Variants in COL5A2 observed in about 807,000 individuals in gnomAD.
COL5A2 encodes the protein collagen type V alpha 2 chain.
COL5A2 carries 23 observed loss-of-function variants against 208.2 expected under a neutral mutation model. The ratio of observed to expected loss-of-function variants is 0.11; its 90% CI spans 0.08 to 0.16. The LOEUF (loss-of-function observed/expected upper bound fraction) is 0.16, where lower values mean the gene tolerates loss of function less well. COL5A2 is among the 10% of genes least tolerant of loss of function. The pLI, the probability that COL5A2 is intolerant of heterozygous loss-of-function variation, is 1.00. For synonymous variants in COL5A2, 625 were observed against 628.5 expected, an observed-to-expected ratio of 0.99 and a Z score of 0.08; for missense variants, 1,590 against 1,956.4, an observed-to-expected ratio of 0.81 and a Z score of 3.53.
chr2:189,437,602 G>A, the COL5A2 span, among the ~76,000 whole-genome samples: 2,998 of 152,224 alleles, frequency 0.02, 98 homozygotes, highest in African/African-American at 0.069. Flanking sequence ...AACATAACCC[G>A]CTTGTGATAA....
chr2:189,257,615 A>G, the COL5A2 span, among the ~76,000 whole-genome samples: 2 of 152,214 alleles, frequency 1.3e-5, no homozygotes, highest in African/African-American at 2.4e-5. Context: ...TCAGTTAAAC[A>G]ATTTTAAGAT....
the COL5A2 span, among the ~76,000 whole-genome samples, chr2:189,413,783 ATTTTTTT>A: frequency 6.3e-5 from 5 of 79,176 alleles, no homozygotes; most frequent in African/African-American, 1.0e-4. Flanking sequence ...CCTTGGCGTC[ATTTTTTT>A]TTTTTTTTTT....
At chr2:189,302,392 C>A in the COL5A2 span, among the ~76,000 whole-genome samples, 1 of 151,954 alleles carries the variant, frequency 6.6e-6, no homozygotes, top group African/African-American at 2.4e-5. Flanking sequence ...CTCTACAGAC[C>A]CCTCTCAATT....
chr2:189,331,198 T>TGAAG, the COL5A2 span, among the ~76,000 whole-genome samples: 1 of 152,000 alleles, frequency 6.6e-6, no homozygotes, highest in African/African-American at 2.4e-5. Flanking sequence ...AATAGCAGAT[T>TGAAG]GAATGTGGGA....
chr2:189,335,756 G>C, the COL5A2 span, among the ~76,000 whole-genome samples: 1 of 152,074 alleles, frequency 6.6e-6, no homozygotes, highest in South Asian at 2.1e-4. Flanking sequence ...GGGTCTGGGG[G>C]AAAAGGAGAA....
chr2:189,392,783 C>T, the COL5A2 span, among the ~76,000 whole-genome samples: 6 of 152,248 alleles, frequency 3.9e-5, no homozygotes, highest in Non-Finnish European at 7.4e-5. Context: ...ATTTGAAGGA[C>T]CATCTATTTT....
the COL5A2 span, among the ~76,000 whole-genome samples, chr2:189,265,065 C>G: frequency 6.6e-6 from 1 of 152,096 alleles, no homozygotes; most frequent in African/African-American, 2.4e-5. Context: ...ACAAAAATCC[C>G]TGGGGGACCA....
the COL5A2 span, among the ~76,000 whole-genome samples, chr2:189,249,736 A>T: frequency 6.6e-6 from 1 of 152,164 alleles, no homozygotes; most frequent in South Asian, 2.1e-4. Context: ...CACTCTTGTC[A>T]CTCAGGCTGG....
At chr2:189,080,273 T>A (rs559408894) in intron 13 of COL5A2, among the ~76,000 whole-genome samples, 1 of 152,314 alleles carries the variant, frequency 6.6e-6, no homozygotes, top group African/African-American at 2.4e-5. Context: ...CACTTGTGAC[T>A]TCATAGAAAT....
At chr2:189,152,775 T>C (rs1559127478) in intron 1 of COL5A2, among the ~76,000 whole-genome samples, 1 of 151,900 alleles carries the variant, frequency 6.6e-6, no homozygotes, top group Non-Finnish European at 1.5e-5. Flanking sequence ...ATTGTAGAAG[T>C]AAGTTGGGGG....
the COL5A2 span, among the ~76,000 whole-genome samples, chr2:189,300,698 C>A: frequency 5.9e-5 from 9 of 152,146 alleles, no homozygotes; most frequent in Non-Finnish European, 1.3e-4. Flanking sequence ...CTAGATGGTC[C>A]CAAAATGTGC....
At chr2:189,401,086 T>C in the COL5A2 span, among the ~76,000 whole-genome samples, 11 of 152,076 alleles carry the variant, frequency 7.2e-5, no homozygotes, top group African/African-American at 2.7e-4. Flanking sequence ...AGTACAAGGG[T>C]ACATGTGCAG....
the COL5A2 span, among the ~76,000 whole-genome samples, chr2:189,291,234 T>C: frequency 6.6e-6 from 1 of 152,110 alleles, no homozygotes; most frequent in African/African-American, 2.4e-5. Context: ...GAGATTTAAA[T>C]AGATGCAAGT....
chr2:189,039,682 T>G, intron 50 of COL5A2, 119 bp from the exon 51 acceptor site: 3 of 974,734 alleles, frequency 3.1e-6, no homozygotes, highest in Non-Finnish European at 4.5e-6. Flanking sequence ...AAGGGAGATC[T>G]ATGACTCGCG....
chr2:189,032,175 T>C lies in COL5A2; in HGVS notation c.*1895A>G, dbSNP rs1243511538. ...GTAAACTAAATATTGAGAATGAAAC[T>C]GAAAACAATTAGGCTAAATTCATAT... is the stretch of plus-strand genomic sequence containing the variant. On this transcript the variant is annotated 3_prime_UTR_variant, in exon 54 of 54. Coordinates refer to ENST00000374866, the MANE Select transcript of COL5A2 (RefSeq NM_000393.5). 6.6e-6 allele frequency: 1 copy of C among 152,124 alleles called. No individual in the cohort carries two copies. Among genetic ancestry groups the C allele is most frequent in the Non-Finnish European group, 1.5e-5 (1 of 68,000 alleles). 9.4% of individuals were successfully genotyped at this position (152,124 alleles called of 1,614,324 possible). A position where few individuals can be genotyped will look rare whatever the true frequency, so the allele number is the denominator to read the frequency against.
the COL5A2 span, among the ~76,000 whole-genome samples, chr2:189,286,992 C>CATAGT: frequency 2.0e-5 from 3 of 151,778 alleles, no homozygotes; most frequent in Non-Finnish European, 4.4e-5. Context: ...AGAGTAATAT[C>CATAGT]ATAGTATCTA....
At chr2:189,383,231 C>T in the COL5A2 span, among the ~76,000 whole-genome samples, 811 of 152,220 alleles carry the variant, frequency 5.3e-3, 1 homozygote, top group Non-Finnish European at 7.4e-3. Flanking sequence ...TCCAAGATGA[C>T]GGTGCCAGAT....
the COL5A2 span, among the ~76,000 whole-genome samples, chr2:189,429,257 G>C: frequency 3.3e-5 from 5 of 152,098 alleles, no homozygotes; most frequent in African/African-American, 1.2e-4. Context: ...TTTTTAGAAA[G>C]TGTTAAATTT....
the COL5A2 span, among the ~76,000 whole-genome samples, chr2:189,399,540 G>A: frequency 1.6e-4 from 24 of 152,050 alleles, no homozygotes; most frequent in Non-Finnish European, 2.1e-4. Context: ...GTGAGCCACT[G>A]CACCCTGCCT....
Sources: gnomAD v4.1 joint callset for allele counts (sites outside exome capture counted in the v4.1 genomes callset) on GRCh38, gnomAD v4.1.1 for gene constraint, MANE v1.5 for transcripts, NCBI Gene and HGNC (gene_info 2026-07-23, HGNC 2026-07-21) for gene names.